SH3RF3: variants seen among roughly 807,000 people sequenced by gnomAD.
SH3RF3 encodes SH3 domain containing ring finger 3, also known as E3 ubiquitin-protein ligase SH3RF3.
Under a neutral mutation model 66.3 loss-of-function variants are expected in SH3RF3, and 29 were observed. The ratio of observed to expected loss-of-function variants is 0.44; its 90% CI spans 0.33 to 0.60. The LOEUF (loss-of-function observed/expected upper bound fraction) is 0.60. Ranked by LOEUF, SH3RF3 falls within the 20% of genes least tolerant of loss-of-function variation. The pLI, the probability that SH3RF3 is intolerant of heterozygous loss-of-function variation, is 0.04. For missense variants in SH3RF3, 1,194 were observed against 1,190.9 expected, an observed-to-expected ratio of 1.00 and a Z score of -0.04; for synonymous variants, 583 against 532.0, an observed-to-expected ratio of 1.10 and a Z score of -1.32.
At chr2:109,157,951 T>C (rs921939688) in intron 1 of SH3RF3, among the ~76,000 whole-genome samples, 4 of 152,162 alleles carry the variant, frequency 2.6e-5, no homozygotes, top group South Asian at 2.1e-4. Flanking sequence ...ATCCACTGTT[T>C]AGTGACGAGG....
chr2:109,330,925 G>C (rs1682268034), intron 1 of SH3RF3, among the ~76,000 whole-genome samples: 1 of 152,218 alleles, frequency 6.6e-6, no homozygotes, highest in Non-Finnish European at 1.5e-5. Context: ...ACCTTGCACA[G>C]TGTGTGCAGT....
At position 109,449,334 on chromosome 2, in the gene SH3RF3, G is replaced by T; in HGVS notation, c.1993G>T (p.Ala665Ser). 4 of 1,604,714 alleles carry T rather than the reference G, an allele frequency of 2.5e-6. No homozygotes were observed. The highest frequency in any genetic ancestry group is 2.6e-6 in the Non-Finnish European group (3 of 1,174,720). The change falls in exon 8 of 10, where the codon GCC (alanine) becomes TCC (serine). Residue 665 changes from alanine to serine, a missense_variant. By Grantham distance (99) the Ala-to-Ser change is moderately conservative. Coordinates refer to ENST00000309415, the MANE Select transcript of SH3RF3 (RefSeq NM_001099289.3). ...QPPVQMCPRP[A>S]IPLTSAASAI... ...CCCGGTGCAGATGTGCCCACGGCCG[G>T]CCATCCCCCTCACATCAGCAGCATC... is the stretch of plus-strand genomic sequence containing the variant.
At chr2:109,214,476 A>G (rs986315155) in intron 1 of SH3RF3, among the ~76,000 whole-genome samples, 2 of 151,846 alleles carry the variant, frequency 1.3e-5, no homozygotes, top group African/African-American at 4.8e-5. Flanking sequence ...GAAAAGAGAA[A>G]AAAAAAAAAA....
chr2:109,341,996 T>C (rs1682561240), intron 1 of SH3RF3, among the ~76,000 whole-genome samples: 1 of 152,152 alleles, frequency 6.6e-6, no homozygotes, highest in Non-Finnish European at 1.5e-5. Context: ...CCGCAGTGCT[T>C]GGTGTGTATA....
intron 3 of SH3RF3, among the ~76,000 whole-genome samples, chr2:109,379,404 G>A (rs545107459): frequency 6.6e-5 from 10 of 152,154 alleles, no homozygotes; most frequent in East Asian, 1.9e-4. Context: ...AGCCCGTCCC[G>A]TGGTCCCACT....
chr2:109,405,862 A>G (rs1676440233), intron 4 of SH3RF3, among the ~76,000 whole-genome samples: 1 of 152,212 alleles, frequency 6.6e-6, no homozygotes, highest in South Asian at 2.1e-4. Context: ...ACTGGCCCAC[A>G]GGTGGGGCTC....
rs187262266 is a variant in SH3RF3 at position 109,479,550 on chromosome 2, C to T, written c.2149-11055C>T. ...GGGTGTCGGGATGTCCAGCTTCCAC[C>T]GGCCTCATGGGCAGAGGAAGCAGCA... On this transcript the variant is annotated intron_variant, in intron 8 of 9. Transcript: ENST00000309415. 1.4e-4 allele frequency among the ~76,000 whole-genome samples: 22 copies of T among 152,170 alleles called. No homozygotes were observed. The East Asian group carries it at 1.5e-3, about 11-fold the overall frequency.
Position 109,478,183 on chromosome 2 carries a change from C to T in SH3RF3, c.2149-12422C>T, listed in dbSNP as rs185386443. Among the ~76,000 whole-genome samples, 368 of 152,336 alleles carry T rather than the reference C, an allele frequency of 2.4e-3. 1 individual carries two copies. The highest frequency in any genetic ancestry group is 3.6e-3 in the Admixed American group (55 of 15,308). ...CAGGCGATTCTAGTGCATTCTATGA[C>T]CTAACGGCCTTGTTAAGTTTCACAC... On this transcript the variant is annotated intron_variant, in intron 8 of 9. Coordinates refer to ENST00000309415, the MANE Select transcript of SH3RF3 (RefSeq NM_001099289.3).
chr2:109,134,751 G>A (rs1476277125), intron 1 of SH3RF3, among the ~76,000 whole-genome samples: 1 of 152,168 alleles, frequency 6.6e-6, no homozygotes, highest in Non-Finnish European at 1.5e-5. Flanking sequence ...TTGGTAGCAC[G>A]ATTCTAAACA....
At chr2:109,188,669 G>A (rs1373843812) in intron 1 of SH3RF3, among the ~76,000 whole-genome samples, 3 of 152,180 alleles carry the variant, frequency 2.0e-5, no homozygotes, top group Non-Finnish European at 4.4e-5. Flanking sequence ...AATGCAAAGC[G>A]CTTGGGTTTG....
At chr2:109,369,326 C>T (rs1683214808) in intron 2 of SH3RF3, among the ~76,000 whole-genome samples, 2 of 151,920 alleles carry the variant, frequency 1.3e-5, no homozygotes, top group African/African-American at 4.8e-5. Flanking sequence ...TCCAGTCTGG[C>T]GACAGCACAA....
chr2:109,418,449 C>T (rs1375225733), intron 4 of SH3RF3, among the ~76,000 whole-genome samples: 7 of 152,180 alleles, frequency 4.6e-5, no homozygotes, highest in African/African-American at 9.6e-5. Flanking sequence ...GAGTCTGTTC[C>T]GGGGCTCCCT....
At chr2:109,380,244 G>A (rs1023115038) in intron 3 of SH3RF3, among the ~76,000 whole-genome samples, 2 of 152,126 alleles carry the variant, frequency 1.3e-5, no homozygotes, top group African/African-American at 4.8e-5. Flanking sequence ...TGAGGTCTTC[G>A]TGAAATTAAC....
Position 109,129,789 on chromosome 2 carries a change from G to T in SH3RF3, c.249G>T (p.Glu83Asp). 1 of 1,539,390 alleles carries T rather than the reference G, an allele frequency of 6.5e-7. No homozygotes were observed. Among genetic ancestry groups the T allele is most frequent in the South Asian group, 1.2e-5 (1 of 83,316 alleles). ...CQHTFCRRCL[E>D]SIVCSRHELR... ...ACACTTTCTGCCGCCGCTGCCTGGA[G>T]AGCATCGTGTGCTCGCGCCACGAGC... The change falls in exon 1 of 10, where the codon GAG becomes GAT. Residue 83 changes from glutamate (E) to aspartate (D), a missense_variant. Coordinates refer to ENST00000309415, the MANE Select transcript of SH3RF3 (RefSeq NM_001099289.3).
intron 8 of SH3RF3, among the ~76,000 whole-genome samples, chr2:109,479,177 C>T (rs968171230): frequency 4.0e-4 from 61 of 152,150 alleles, no homozygotes; most frequent in African/African-American, 1.5e-3. Flanking sequence ...GCACGGCCTG[C>T]CCTTGACCTT....
At chr2:109,227,467 A>G (rs1288661417) in intron 1 of SH3RF3, among the ~76,000 whole-genome samples, 1 of 152,172 alleles carries the variant, frequency 6.6e-6, no homozygotes, top group Non-Finnish European at 1.5e-5. Context: ...TGGAGTTATG[A>G]GGATGGTGAC....
intron 1 of SH3RF3, among the ~76,000 whole-genome samples, chr2:109,342,239 A>G (rs902088616): frequency 7.2e-5 from 11 of 152,180 alleles, no homozygotes; most frequent in African/African-American, 2.7e-4. Flanking sequence ...GCTATTAGCA[A>G]TAGGATCTTG....
chr2:109,290,188 C>T (rs1428100499), intron 1 of SH3RF3, among the ~76,000 whole-genome samples: 2 of 152,200 alleles, frequency 1.3e-5, no homozygotes, highest in Non-Finnish European at 2.9e-5. Context: ...GTCCGGGTGG[C>T]TTAGGTCTGG....
chr2:109,251,706 A>G (rs1177231314), intron 1 of SH3RF3: 4 of 868,484 alleles, frequency 4.6e-6, no homozygotes, highest in East Asian at 2.5e-5. Context: ...CTATTTTACT[A>G]TGATGTAAAA....
Sources: gnomAD v4.1 joint callset for allele counts (sites outside exome capture counted in the v4.1 genomes callset) on GRCh38, gnomAD v4.1.1 for gene constraint, MANE v1.5 for transcripts, NCBI Gene and HGNC (gene_info 2026-07-23, HGNC 2026-07-21) for gene names.